The following AGBL1 variants were observed in gnomAD, a reference collection of about 807,000 sequenced individuals.
AGBL1 encodes cytosolic carboxypeptidase 4.
Under a neutral mutation model 118.9 loss-of-function variants are expected in AGBL1, and 130 were observed. That is an observed-to-expected ratio of 1.09 (90% CI 0.95 to 1.26). The LOEUF (loss-of-function observed/expected upper bound fraction) is 1.26. Ranked by LOEUF, AGBL1 falls within the 50% of genes most tolerant of loss-of-function variation. The pLI is 0.00. For missense variants in AGBL1, 1,584 were observed against 1,298.1 expected, an observed-to-expected ratio of 1.22 and a Z score of -3.38; for synonymous variants, 555 against 478.9, an observed-to-expected ratio of 1.16 and a Z score of -2.08.
chr15:86,820,510 G>A (rs2141386796), intron 22 of AGBL1, among the ~76,000 whole-genome samples: 1 of 152,280 alleles, frequency 6.6e-6, no homozygotes, highest in South Asian at 2.1e-4. Context: ...CCATCCAAAA[G>A]TGGGAGAAGG....
chr15:86,985,831 A>T (rs2081276128), intron 23 of AGBL1, among the ~76,000 whole-genome samples: 1 of 151,992 alleles, frequency 6.6e-6, no homozygotes, highest in Admixed American at 6.5e-5. Flanking sequence ...TTATAGTTTT[A>T]GCTTTTACAT....
chr15:86,290,797 G>A (rs949500413), intron 16 of AGBL1, among the ~76,000 whole-genome samples: 4 of 151,480 alleles, frequency 2.6e-5, no homozygotes, highest in Admixed American at 6.6e-5. Flanking sequence ...CCATTAACTC[G>A]TCATTTAGCA....
chr15:86,649,984 A>G (rs1197311365), intron 21 of AGBL1, among the ~76,000 whole-genome samples: 4 of 152,224 alleles, frequency 2.6e-5, no homozygotes, highest in African/African-American at 9.6e-5. Flanking sequence ...TCTGACAAGC[A>G]TTAAGTCATA....
chr15:86,864,912 T>C (rs2079604596), intron 22 of AGBL1, among the ~76,000 whole-genome samples: 1 of 152,116 alleles, frequency 6.6e-6, no homozygotes, highest in African/African-American at 2.4e-5. Context: ...CCCTAAACTC[T>C]CTCCATATTT....
At chr15:86,828,108 T>C (rs1302158385) in intron 22 of AGBL1, among the ~76,000 whole-genome samples, 1 of 151,316 alleles carries the variant, frequency 6.6e-6, no homozygotes, top group African/African-American at 2.4e-5. Context: ...CCCAACTAAT[T>C]CTAAAAAATT....
chr15:86,299,145 G>A (rs2079705508), intron 17 of AGBL1, among the ~76,000 whole-genome samples: 2 of 151,984 alleles, frequency 1.3e-5, no homozygotes, highest in South Asian at 2.1e-4. Flanking sequence ...TTTTTGAAAT[G>A]CTCCCAATAA....
At chr15:86,729,331 T>A (rs377590727) in intron 22 of AGBL1, among the ~76,000 whole-genome samples, 7 of 152,330 alleles carry the variant, frequency 4.6e-5, no homozygotes, top group African/African-American at 1.7e-4. Context: ...AGGTTTGTTA[T>A]GTGTATAAAT....
intron 22 of AGBL1, among the ~76,000 whole-genome samples, chr15:86,880,485 C>T (rs912093130): frequency 1.3e-5 from 2 of 152,114 alleles, no homozygotes; most frequent in Non-Finnish European, 2.9e-5. Context: ...GAAAAGAAAA[C>T]GTTCTTTGAG....
At chr15:86,083,994 T>A (rs1471898190) in intron 1 of AGBL1, among the ~76,000 whole-genome samples, 5 of 152,142 alleles carry the variant, frequency 3.3e-5, no homozygotes, top group African/African-American at 1.2e-4. Context: ...CTAGGAAGTT[T>A]GAGGCTTTCT....
chr15:86,330,791 T>C (rs1459028626), intron 17 of AGBL1, among the ~76,000 whole-genome samples: 1 of 152,156 alleles, frequency 6.6e-6, no homozygotes, highest in Non-Finnish European at 1.5e-5. Flanking sequence ...TCAGAGTTTC[T>C]GGAATTGGAA....
intron 1 of AGBL1, among the ~76,000 whole-genome samples, chr15:86,117,210 C>T (rs575266854): frequency 3.9e-5 from 6 of 152,224 alleles, no homozygotes; most frequent in African/African-American, 1.4e-4. Flanking sequence ...GATTACCTGC[C>T]TTGAGAACAC....
At chr15:86,160,542 G>A (rs567670554) in intron 5 of AGBL1, among the ~76,000 whole-genome samples, 3 of 152,146 alleles carry the variant, frequency 2.0e-5, no homozygotes, top group South Asian at 4.1e-4. Context: ...ACATATATAT[G>A]ACTTGGATAT....
intron 22 of AGBL1, among the ~76,000 whole-genome samples, chr15:86,719,691 G>T (rs2086688496): frequency 6.6e-6 from 1 of 152,086 alleles, no homozygotes; most frequent in African/African-American, 2.4e-5. Flanking sequence ...ATGGTAAAGG[G>T]TGATGGAAGA....
intron 22 of AGBL1, among the ~76,000 whole-genome samples, chr15:86,755,686 A>G (rs2077928165): frequency 6.6e-6 from 1 of 152,028 alleles, no homozygotes; most frequent in Non-Finnish European, 1.5e-5. Flanking sequence ...CTGTTCCTTC[A>G]TGTACTTTCC....
intron 22 of AGBL1, among the ~76,000 whole-genome samples, chr15:86,752,768 C>G (rs1004713568): frequency 6.6e-6 from 1 of 152,088 alleles, no homozygotes; most frequent in Non-Finnish European, 1.5e-5. Context: ...AGAGAGGAAA[C>G]CAAACTCTCT....
chr15:86,453,687 A>C (rs1443019911), intron 18 of AGBL1, among the ~76,000 whole-genome samples: 4 of 152,184 alleles, frequency 2.6e-5, no homozygotes, highest in African/African-American at 9.7e-5. Context: ...ACCCTAAAAT[A>C]ACTGATTTCA....
At chr15:86,401,359 G>A (rs191719184) in intron 18 of AGBL1, among the ~76,000 whole-genome samples, 34 of 152,024 alleles carry the variant, frequency 2.2e-4, no homozygotes, top group Non-Finnish European at 7.4e-5. Flanking sequence ...TTAGTCCTTC[G>A]TTGCATGCAT....
At chr15:86,093,294 A>C (rs1170837612) in intron 1 of AGBL1, among the ~76,000 whole-genome samples, 1 of 152,210 alleles carries the variant, frequency 6.6e-6, no homozygotes, top group Non-Finnish European at 1.5e-5. Flanking sequence ...AGTACCTGCT[A>C]GTTGCAAGTT....
intron 1 of AGBL1, among the ~76,000 whole-genome samples, chr15:86,122,912 C>A (rs193005146): frequency 5.9e-5 from 9 of 152,284 alleles, no homozygotes; most frequent in Admixed American, 3.9e-4. Context: ...ACAAAGCAGA[C>A]TTTTCATAGC....
Sources: allele counts gnomAD v4.1 joint callset (sites outside exome capture counted in the v4.1 genomes callset), GRCh38; gene constraint gnomAD v4.1.1; transcripts MANE v1.5; gene names NCBI Gene and HGNC (gene_info 2026-07-23, HGNC 2026-07-21).